Variants in CDK12 observed in about 807,000 individuals in gnomAD.
The protein encoded by CDK12 is cyclin dependent kinase 12, also known as cyclin-dependent kinase 12.
In CDK12, 17 loss-of-function variants were observed where a neutral mutation model predicts 133.8. That is an observed-to-expected ratio of 0.13 (90% CI 0.09 to 0.19). The LOEUF is 0.19. Ranked by LOEUF, CDK12 falls within the 10% of genes least tolerant of loss-of-function variation. The pLI, the probability that CDK12 is intolerant of heterozygous loss-of-function variation, is 1.00. For missense variants in CDK12, 1,508 were observed against 1,818.7 expected (o/e 0.83, Z 3.11); for synonymous variants, 694 against 683.6 (o/e 1.02, Z -0.24).
intron 1 of CDK12, among the ~76,000 whole-genome samples, chr17:39,463,654 A>AT (rs1335497711): frequency 6.6e-6 from 1 of 151,796 alleles, no homozygotes; most frequent in Non-Finnish European, 1.5e-5. Flanking sequence ...CTTTTAACTG[A>AT]TGTTTTAGTG....
rs2054869356 is a variant in CDK12, at chr17:39,531,974, A to G, written c.*658A>G. 1 of 233,662 alleles carries G rather than the reference A, an allele frequency of 4.3e-6. No individual in the cohort carries two copies. Among genetic ancestry groups the G allele is most frequent in the African/African-American group, 2.2e-5 (1 of 45,310 alleles). 14.5% of individuals were successfully genotyped at this position (233,662 alleles called of 1,614,324 possible). A position where few individuals can be genotyped will look rare whatever the true frequency, so the allele number is the denominator to read the frequency against. On this transcript the variant is annotated 3_prime_UTR_variant, in exon 14 of 14. Transcript: ENST00000447079. Reference sequence around the variant, plus strand: ...ATTACTCATCCTTAAAGTTTACTCCACTTTGACAAAAGATACGCCCTTCTC... The same window carrying G: ...ATTACTCATCCTTAAAGTTTACTCCGCTTTGACAAAAGATACGCCCTTCTC...
In CDK12 at chr17:39,462,617, G is replaced by A. The variant is rs2049034201; in HGVS notation, c.546G>A (p.Glu182=). Residue 182 remains glutamate, a synonymous_variant, in exon 1 of 14, where the codon GAG becomes GAA. Coordinates refer to ENST00000447079, the MANE Select transcript of CDK12 (RefSeq NM_016507.4). ...CCAGGTCATCCAAGCTCCACAAGGA[G>A]AAGACCAGGAAAGAACGGGAGCTGA... ...KESRSSKLHK[E]KTRKERELKS... is the part of the protein sequence containing the mutation. The A allele has an allele frequency of 1.2e-6, 2 of 1,613,996 alleles. No homozygotes were observed. The highest frequency in any genetic ancestry group is 2.7e-5 in the African/African-American group (2 of 74,906).
chr17:39,503,827 C>T (rs1301121128), intron 6 of CDK12, among the ~76,000 whole-genome samples: 1 of 151,982 alleles, frequency 6.6e-6, no homozygotes, highest in Non-Finnish European at 1.5e-5. Context: ...AGGAAGAGAG[C>T]GAACAGGTGG....
intron 1 of CDK12, among the ~76,000 whole-genome samples, chr17:39,466,062 C>G (rs2049280689): frequency 6.6e-6 from 1 of 152,038 alleles, no homozygotes; most frequent in Admixed American, 6.6e-5. Context: ...ATCCCAAGCA[C>G]TTTGGGAGGC....
chr17:39,544,038 A>G (rs768763928), upstream of CDK12: 91 of 253,346 alleles, frequency 3.6e-4, no homozygotes, highest in Non-Finnish European at 5.9e-4. Context: ...TGGAGACAAG[A>G]ATTTTAGAAC....
At chr17:39,468,006 G>C (rs1307263942) in intron 1 of CDK12, among the ~76,000 whole-genome samples, 2 of 151,666 alleles carry the variant, frequency 1.3e-5, no homozygotes, top group Non-Finnish European at 2.9e-5. Flanking sequence ...CAATTCTCCT[G>C]CCTTAGCCTC....
At chr17:39,519,475 T>TTCACTA (rs1193199464) in intron 10 of CDK12, among the ~76,000 whole-genome samples, 7 of 151,746 alleles carry the variant, frequency 4.6e-5, no homozygotes, top group African/African-American at 1.7e-4. Flanking sequence ...CTAATGGGGT[T>TTCACTA]TCACTATGTT....
chr17:39,542,153 AT>A (rs2143810129), intron 1 of CDK12, among the ~76,000 whole-genome samples: 1 of 28,232 alleles, frequency 3.5e-5, no homozygotes, highest in East Asian at 2.4e-3. Flanking sequence ...ATATATACAT[AT>A]ATATATGTGT....
chr17:39,511,352 A>G (rs2053497651), intron 7 of CDK12, among the ~76,000 whole-genome samples, 177 bp from the exon 8 acceptor site: 1 of 151,912 alleles, frequency 6.6e-6, no homozygotes, highest in Admixed American at 6.6e-5. Flanking sequence ...CAGGCATGGA[A>G]GTTATTTCTT....
Position 39,533,155 on chromosome 17 carries a change from A to G in CDK12, c.*1839A>G, listed in dbSNP as rs2054964008. 4.3e-6 allele frequency: 1 copy of G among 232,180 alleles called. No individual in the cohort carries two copies. The highest frequency in any genetic ancestry group is 2.2e-5 in the African/African-American group (1 of 45,212). The allele number at this position is 232,180 out of a possible 1,614,324, so 14.4% of individuals were successfully genotyped here. ...AAGACTGTTTTCCCCTGTTAATGAG[A>G]TATAGCTAGATATCGGTGTGTGTAT... On this transcript the variant is annotated 3_prime_UTR_variant, in exon 14 of 14. Transcript: ENST00000447079.
intron 8 of CDK12, among the ~76,000 whole-genome samples, chr17:39,513,662 C>G (rs72827115): frequency 0.013 from 1,972 of 152,222 alleles, 15 homozygotes; most frequent in Non-Finnish European, 0.022. Context: ...TGTCTTCCCA[C>G]CAAAGGACTG....
At chr17:39,527,006 A>C (rs1473589302) in intron 13 of CDK12, among the ~76,000 whole-genome samples, 1 of 152,220 alleles carries the variant, frequency 6.6e-6, no homozygotes, top group Non-Finnish European at 1.5e-5. Context: ...ATAGCGTGCA[A>C]TTTATTAGAG....
intron 1 of CDK12, among the ~76,000 whole-genome samples, chr17:39,469,021 G>A (rs983869729): frequency 6.6e-6 from 1 of 151,632 alleles, no homozygotes; most frequent in Non-Finnish European, 1.5e-5. Flanking sequence ...TAGATACAGG[G>A]TTTTACCATG....
At chr17:39,541,016 T>C (rs561204453) in intron 1 of CDK12, among the ~76,000 whole-genome samples, 8 of 152,180 alleles carry the variant, frequency 5.3e-5, no homozygotes, top group Non-Finnish European at 7.3e-5. Flanking sequence ...AGGGGAAGAC[T>C]GGGATATGGT....
chr17:39,526,080 C>T lies in CDK12; in HGVS notation c.3524C>T (p.Pro1175Leu). The T allele has an allele frequency of 6.2e-7, 1 of 1,614,206 alleles. No homozygotes were observed. The highest frequency in any genetic ancestry group is 8.5e-7 in the Non-Finnish European group (1 of 1,180,042). The change falls in exon 13 of 14, where the codon CCA becomes CTA. Residue 1175 changes from proline to leucine, a missense_variant. By Grantham distance (98) the Pro-to-Leu change is moderately conservative. Transcript: ENST00000447079. ...CAGCAGGACTCAGAGACCATGGCCC[C>T]AGAGGAGTCTTTGAAGGAAGCACCC... ...SQQQDSETMA[P>L]EESLKEAPSA... is the part of the protein sequence containing the mutation.
intron 11 of CDK12, among the ~76,000 whole-genome samples, chr17:39,521,571 T>G (rs1444390105): frequency 6.6e-6 from 1 of 151,732 alleles, no homozygotes; most frequent in Non-Finnish European, 1.5e-5. Flanking sequence ...CCTTTTTTGT[T>G]TTTTCCGAGA....
At chr17:39,544,283 G>T (rs1472235105), upstream of CDK12, 1 of 488,462 alleles carries the variant, frequency 2.0e-6, no homozygotes, top group Admixed American at 2.3e-5. Flanking sequence ...TCTGAGGAAT[G>T]CAGTGATGTC....
Position 39,526,330 on chromosome 17 carries a change from T to C in CDK12, c.3760+14T>C, listed in dbSNP as rs745941057. 13 of 1,555,532 alleles carry C rather than the reference T, an allele frequency of 8.4e-6. No individual in the cohort carries two copies. ...AGGAGGCAGCAGGTAAACAGACCGG[T>C]CATGAATCTCATTGAGCTCAGGTGC... is the stretch of plus-strand genomic sequence containing the variant. On this transcript the variant is annotated intron_variant, in intron 13 of 13. Transcript: ENST00000447079.
At chr17:39,498,575 G>A (rs575225217) in intron 5 of CDK12, among the ~76,000 whole-genome samples, 2 of 152,094 alleles carry the variant, frequency 1.3e-5, no homozygotes, top group Non-Finnish European at 2.9e-5. Context: ...TCTCACCCAG[G>A]CTAGAGTACA....
Sources: gnomAD v4.1 joint callset for allele counts (sites outside exome capture counted in the v4.1 genomes callset) on GRCh38, gnomAD v4.1.1 for gene constraint, MANE v1.5 for transcripts, NCBI Gene and HGNC (gene_info 2026-07-23, HGNC 2026-07-21) for gene names.